Variants in LUC7L2 observed in about 807,000 individuals in gnomAD.
LUC7L2 encodes the protein LUC7 like 2, pre-mRNA splicing factor.
LUC7L2 carries 25 observed loss-of-function variants against 52.8 expected under a neutral mutation model. The ratio of observed to expected loss-of-function variants is 0.47; its 90% confidence interval spans 0.34 to 0.66. The LOEUF is 0.66. LUC7L2 is among the 30% of genes least tolerant of loss of function. The probability of loss-of-function intolerance (pLI) is 0.01; values close to 1 mark genes in which losing one functional copy is unlikely to be tolerated. For synonymous variants in LUC7L2, 144 were observed against 160.9 expected, an observed-to-expected ratio of 0.89 and a Z score of 0.80; for missense variants, 328 against 497.8, an observed-to-expected ratio of 0.66 and a Z score of 3.25.
At chr7:139,418,483 C>T (rs755531935) in intron 9 of LUC7L2, among the ~76,000 whole-genome samples, 20 of 152,318 alleles carry the variant, frequency 1.3e-4, no homozygotes, top group African/African-American at 4.6e-4. Context: ...GACAACTATT[C>T]AGAAGTATAT....
At chr7:139,405,491 G>C (rs1455035382) in intron 4 of LUC7L2, among the ~76,000 whole-genome samples, 153 bp from the exon 5 acceptor site, 1 of 152,222 alleles carries the variant, frequency 6.6e-6, no homozygotes, top group African/African-American at 2.4e-5. Flanking sequence ...ACATCCTGAT[G>C]TCTCAGTAGT....
At chr7:139,419,130 CAAAA>C (rs571694948) in intron 9 of LUC7L2, among the ~76,000 whole-genome samples, 1 of 139,292 alleles carries the variant, frequency 7.2e-6, no homozygotes, top group Admixed American at 7.4e-5. Context: ...AAAAAACAAA[CAAAA>C]AAAAAAACAA....
Position 139,412,552 on chromosome 7 carries a change from T to C in LUC7L2, c.781T>C (p.Ser261Pro). The C allele has an allele frequency of 6.2e-7, 1 of 1,603,952 alleles. No homozygotes were observed. The highest frequency in any genetic ancestry group is 1.1e-5 in the South Asian group (1 of 88,552). Residue 261 changes from serine (S) to proline (P), a missense_variant and splice_region_variant, in exon 8 of 10, where the codon TCC becomes CCC. Ser to Pro is a moderately conservative substitution (Grantham distance 74). Transcript: ENST00000354926. Reference protein sequence around the residue: ...EREEREKLRRSRSHSKNPKRS... With the variant: ...EREEREKLRRPRSHSKNPKRS... The stretch of plus-strand genomic sequence containing the variant: ...AAAATACATATTTTTTTTTTTTAGG[T>C]CCCGATCACACAGCAAGAATCCAAA...
rs150609162 is a variant in LUC7L2 at position 139,419,602 on chromosome 7, A to G, written c.1001+1873A>G. On this transcript the variant is annotated intron_variant, in intron 9 of 9. Coordinates refer to ENST00000354926, the MANE Select transcript of LUC7L2 (RefSeq NM_016019.5). ...CCTGTGTCAAATCTGCCCAACTGTC[A>G]TTGTTGTTGCTGAACTCCTAAATGT... 3.3e-5 allele frequency among the ~76,000 whole-genome samples: 5 copies of G among 152,320 alleles called. No individual in the cohort carries two copies. The East Asian group carries it at 7.7e-4, about 23-fold the overall frequency.
chr7:139,348,604 A>G lies in LUC7L2; in HGVS notation c.-26+8087A>G, dbSNP rs74820068. ...CTTAGTGGTGTGTGCCTGTAGTCCC[A>G]GCTACTCTGGAGGCAGAGACAGGAG... is the stretch of plus-strand genomic sequence containing the variant. On this transcript the variant is annotated intron_variant, in intron 1 of 10. Transcript: ENST00000541170. 6.7e-3 allele frequency among the ~76,000 whole-genome samples: 1,024 copies of G among 151,978 alleles called. 11 individuals are homozygous for G. The highest frequency in any genetic ancestry group is 0.023 in the African/African-American group (968 of 41,420).
At chr7:139,341,345 A>AGGAC in intron 1 of LUC7L2, 2 of 1,586,350 alleles carry the variant, frequency 1.3e-6, no homozygotes, top group Non-Finnish European at 1.7e-6. Context: ...TCAGGGTCGT[A>AGGAC]GGACGCCGTT....
intron 2 of LUC7L2, among the ~76,000 whole-genome samples, chr7:139,384,646 A>G (rs1794111781): frequency 1.3e-5 from 2 of 152,254 alleles, no homozygotes; most frequent in African/African-American, 4.8e-5. Context: ...CAAGGCTTTA[A>G]TCGTTTAAAA....
At chr7:139,371,501 A>T in intron 1 of LUC7L2, 1 of 1,549,334 alleles carries the variant, frequency 6.5e-7, no homozygotes, top group Middle Eastern at 1.7e-4. Context: ...ATAGCACCTA[A>T]ATCTATGAAA....
At chr7:139,346,714 G>A (rs1278356623) in intron 1 of LUC7L2, among the ~76,000 whole-genome samples, 1 of 152,092 alleles carries the variant, frequency 6.6e-6, no homozygotes, top group African/African-American at 2.4e-5. Flanking sequence ...TGAGGAACAT[G>A]GCCACAGCTC....
chr7:139,340,695 C>G, intron 1 of LUC7L2: 1 of 391,830 alleles, frequency 2.6e-6, no homozygotes, highest in Non-Finnish European at 4.5e-6. Flanking sequence ...GCGTCGTTTG[C>G]AGAAGCCCCA....
chr7:139,384,553 AT>A (rs1569378203), intron 2 of LUC7L2, among the ~76,000 whole-genome samples: 1 of 152,244 alleles, frequency 6.6e-6, no homozygotes, highest in Admixed American at 6.5e-5. Context: ...TAAATAAAAA[AT>A]GCATTTGGTG....
intron 1 of LUC7L2, among the ~76,000 whole-genome samples, chr7:139,370,394 A>G (rs543055915): frequency 2.6e-5 from 4 of 152,322 alleles, no homozygotes; most frequent in East Asian, 3.9e-4. Flanking sequence ...GCTCCTTAGT[A>G]TAAGAGTTAC....
intron 8 of LUC7L2, among the ~76,000 whole-genome samples, chr7:139,413,209 C>A (rs538773566): frequency 6.6e-6 from 1 of 152,270 alleles, no homozygotes; most frequent in African/African-American, 2.4e-5. Context: ...GTAGTTTTTG[C>A]TAGTTGCTGA....
At chr7:139,421,759 G>C (rs1039890500) in intron 9 of LUC7L2, among the ~76,000 whole-genome samples, 1 of 152,216 alleles carries the variant, frequency 6.6e-6, no homozygotes, top group African/African-American at 2.4e-5. Context: ...GCATGGACCT[G>C]CAGTACCCCA....
chr7:139,383,952 G>A lies in LUC7L2; in HGVS notation c.156+7796G>A, dbSNP rs924981333. ...TTTAGTAGAGACAGGATTTTACCAC[G>A]TTGGCCAGGCTGGTTTCGAACTCCT... On this transcript the variant is annotated intron_variant, in intron 2 of 9. Transcript: ENST00000354926. Among the ~76,000 whole-genome samples the A allele has an allele frequency of 3.3e-5, 5 of 150,368 alleles. No homozygotes were observed. In the South Asian group the frequency reaches 8.4e-4, roughly 25 times the overall value.
intron 1 of LUC7L2, chr7:139,341,465 A>T: frequency 6.2e-7 from 1 of 1,613,586 alleles, no homozygotes; most frequent in Non-Finnish European, 8.5e-7. Context: ...CCACCGGCCG[A>T]CCCTATCGCG....
In LUC7L2 at chr7:139,367,743, A is replaced by C. The variant is rs1046852580; in HGVS notation, c.61+7421A>C. ...AGCCTGTGAGACAGAGAGATCTAGGAGATCCCTAGAGAGGTCCATCAAGAC... is the reference window on the plus strand; with the variant it reads ...AGCCTGTGAGACAGAGAGATCTAGGCGATCCCTAGAGAGGTCCATCAAGAC... On this transcript the variant is annotated intron_variant, in intron 1 of 9. Transcript: ENST00000354926. 8.5e-5 allele frequency among the ~76,000 whole-genome samples: 13 copies of C among 152,330 alleles called. 1 individual carries two copies. The highest frequency in any genetic ancestry group is 3.1e-4 in the African/African-American group (13 of 41,586).
rs1201163100 is a variant in LUC7L2 at position 139,359,938 on chromosome 7, A to T, written c.-324A>T. 18 of 417,742 alleles carry T rather than the reference A, an allele frequency of 4.3e-5. No homozygotes were observed. The highest frequency in any genetic ancestry group is 2.1e-5 in the Non-Finnish European group (5 of 236,082). The allele number at this position is 417,742 out of a possible 1,614,324, so 25.9% of individuals were successfully genotyped here. On this transcript the variant is annotated 5_prime_UTR_variant, in exon 1 of 10. Coordinates refer to ENST00000354926, the MANE Select transcript of LUC7L2 (RefSeq NM_016019.5). The stretch of plus-strand genomic sequence containing the variant: ...TGGCGGCGAGCGGCGTCAGAGCTTG[A>T]GGGGGGGTTGACGGCTTCTGGCGGG...
intron 8 of LUC7L2, chr7:139,416,040 A>AATATATATATATATATAT (rs66498771): frequency 1.2e-4 from 12 of 97,840 alleles, no homozygotes; most frequent in Non-Finnish European, 2.4e-4. Flanking sequence ...TGAGGTATAA[A>AATATATATATATATATAT]ATATATATAT....
Sources: gnomAD v4.1 joint callset for allele counts (sites outside exome capture counted in the v4.1 genomes callset) on GRCh38, gnomAD v4.1.1 for gene constraint, MANE v1.5 for transcripts, NCBI Gene and HGNC (gene_info 2026-07-23, HGNC 2026-07-21) for gene names.